The following PODXL2 variants were observed in gnomAD, a reference collection of about 807,000 sequenced individuals.
PODXL2 encodes the protein podocalyxin like 2, also known as podocalyxin-like protein 2.
In PODXL2, 17 loss-of-function variants were observed where a neutral mutation model predicts 53.4. The observed-to-expected ratio is 0.32, with a 90% CI of 0.22 to 0.48. PODXL2 has a LOEUF of 0.48. Ranked by LOEUF, PODXL2 falls within the 20% of genes least tolerant of loss-of-function variation. The pLI, the probability that PODXL2 is intolerant of heterozygous loss-of-function variation, is 0.99. For missense variants in PODXL2, 673 were observed against 760.0 expected (o/e 0.89, Z 1.35); for synonymous variants, 311 against 306.7 (o/e 1.01, Z -0.15).
At chr3:127,637,359 T>C (rs1005306164) in intron 1 of PODXL2, among the ~76,000 whole-genome samples, 5 of 152,210 alleles carry the variant, frequency 3.3e-5, no homozygotes, top group African/African-American at 9.6e-5. Flanking sequence ...GAAGATACCA[T>C]GGTCTCTTTT....
chr3:127,664,284 A>G (rs1342214063), intron 4 of PODXL2, among the ~76,000 whole-genome samples: 2 of 152,076 alleles, frequency 1.3e-5, no homozygotes, highest in African/African-American at 2.4e-5. Flanking sequence ...TTCACTCAGC[A>G]TAATGTCCTC....
intron 1 of PODXL2, among the ~76,000 whole-genome samples, chr3:127,630,173 A>G (rs950395349): frequency 2.6e-5 from 4 of 152,102 alleles, no homozygotes; most frequent in Admixed American, 6.5e-5. Context: ...GGCGGCCACT[A>G]TGGAAATGGC....
chr3:127,639,257 G>C lies in PODXL2; in HGVS notation c.83G>C (p.Gly28Ala). 6.2e-7 allele frequency: 1 copy of C among 1,606,058 alleles called. No individual in the cohort carries two copies. Among genetic ancestry groups the C allele is most frequent in the Non-Finnish European group, 8.5e-7 (1 of 1,177,368 alleles). Residue 28 changes from glycine (G) to alanine (A), a missense_variant, in exon 2 of 8, where the codon GGT (glycine) becomes GCT (alanine). Around this residue, in one of 3 missense-constraint regions of PODXL2, gnomAD observed 588 missense variants for 668.3 expected, o/e 0.88. Coordinates refer to ENST00000342480, the MANE Select transcript of PODXL2 (RefSeq NM_015720.4). Reference protein sequence around the residue: ...LLLLVGGAFLGACVAGSDEPG... With the variant: ...LLLLVGGAFLAACVAGSDEPG... ...TATGTCTGCACAGGAGCGTTCCTGGGTGCCTGTGTGGCTGGGTCTGATGAG... is the reference window on the plus strand; with the variant it reads ...TATGTCTGCACAGGAGCGTTCCTGGCTGCCTGTGTGGCTGGGTCTGATGAG...
At chr3:127,640,868 C>T (rs779273707) in intron 2 of PODXL2, among the ~76,000 whole-genome samples, 12 of 151,984 alleles carry the variant, frequency 7.9e-5, no homozygotes, top group East Asian at 1.9e-4. Context: ...AGTATATTTC[C>T]GCATTGTTAA....
intron 2 of PODXL2, among the ~76,000 whole-genome samples, chr3:127,645,019 T>C (rs1035105677): frequency 3.9e-5 from 6 of 152,238 alleles, no homozygotes; most frequent in Non-Finnish European, 8.8e-5. Flanking sequence ...TTGCCCATCT[T>C]CTTCTCAAAC....
intron 4 of PODXL2, among the ~76,000 whole-genome samples, chr3:127,667,421 C>T (rs2074800065): frequency 6.6e-6 from 1 of 152,238 alleles, no homozygotes; most frequent in Non-Finnish European, 1.5e-5. Context: ...AGAGGGGTAT[C>T]TGCAGCAGGC....
In PODXL2 at chr3:127,629,399, G is replaced by A; in HGVS notation, c.70+110G>A. 1.2e-6 allele frequency: 1 copy of A among 850,554 alleles called. No homozygotes were observed. The highest frequency in any genetic ancestry group is 1.4e-6 in the Non-Finnish European group (1 of 706,642). The allele number at this position is 850,554 out of a possible 1,614,324, so 52.7% of individuals were successfully genotyped here. A position where few individuals can be genotyped will look rare whatever the true frequency, so the allele number is the denominator to read the frequency against. On this transcript the variant is annotated intron_variant, in intron 1 of 7. Coordinates refer to ENST00000342480, the MANE Select transcript of PODXL2 (RefSeq NM_015720.4). The surrounding 1 kb of genome is among the most constrained non-coding windows in gnomAD (Gnocchi z 6.4). ...GGGCCAGAGTGCGGCGCCGCCGGGA[G>A]CGCGCGTGTCCCGGCCGGGCCGCGG...
At position 127,629,392 on chromosome 3, in the gene PODXL2, G is replaced by T. The variant is rs1320749499; in HGVS notation, c.70+103G>T. 2 of 895,790 alleles carry T rather than the reference G, an allele frequency of 2.2e-6. No individual in the cohort carries two copies. Among genetic ancestry groups the T allele is most frequent in the South Asian group, 9.7e-5 (2 of 20,596 alleles). The allele number at this position is 895,790 out of a possible 1,614,324, so 55.5% of individuals were successfully genotyped here. ...AACAAAGGGGCCAGAGTGCGGCGCCGCCGGGAGCGCGCGTGTCCCGGCCGG... is the reference window on the plus strand; with the variant it reads ...AACAAAGGGGCCAGAGTGCGGCGCCTCCGGGAGCGCGCGTGTCCCGGCCGG... On this transcript the variant is annotated intron_variant, in intron 1 of 7. Coordinates refer to ENST00000342480, the MANE Select transcript of PODXL2 (RefSeq NM_015720.4). The surrounding 1 kb of genome is among the most constrained non-coding windows in gnomAD (Gnocchi z 6.4).
At chr3:127,671,313 G>T in intron 6 of PODXL2, 121 bp from the exon 7 acceptor site, 2 of 855,132 alleles carry the variant, frequency 2.3e-6, no homozygotes, top group Admixed American at 2.5e-5. Context: ...TTCAGGAGCC[G>T]GGAGTGCCAG....
At chr3:127,651,385 T>G (rs1483380804) in intron 2 of PODXL2, among the ~76,000 whole-genome samples, 3 of 152,232 alleles carry the variant, frequency 2.0e-5, no homozygotes, top group Non-Finnish European at 2.9e-5. Context: ...AAGCTAGGTT[T>G]AGGGGCAACT....
chr3:127,635,443 G>A (rs1441562165), intron 1 of PODXL2, among the ~76,000 whole-genome samples: 2 of 152,226 alleles, frequency 1.3e-5, no homozygotes, highest in Admixed American at 1.3e-4. Context: ...CTTTTTGGTT[G>A]AAGAATGAAT....
intron 2 of PODXL2, among the ~76,000 whole-genome samples, chr3:127,643,119 A>G (rs2074631209): frequency 6.6e-6 from 1 of 152,222 alleles, no homozygotes; most frequent in Admixed American, 6.5e-5. Flanking sequence ...TTCCTCTGAC[A>G]TACGTAGAAA....
intron 2 of PODXL2, among the ~76,000 whole-genome samples, chr3:127,651,373 A>G (rs570548340): frequency 6.6e-6 from 1 of 152,332 alleles, no homozygotes; most frequent in East Asian, 1.9e-4. Context: ...CCCCAGGAAA[A>G]GAAGCTAGGT....
chr3:127,638,424 A>G (rs563112394), intron 1 of PODXL2, among the ~76,000 whole-genome samples: 3 of 152,346 alleles, frequency 2.0e-5, no homozygotes, highest in Admixed American at 6.5e-5. Flanking sequence ...TTAAAAGACT[A>G]CGTTCAGAGG....
chr3:127,670,716 T>G (rs929143702), intron 6 of PODXL2, among the ~76,000 whole-genome samples: 1 of 152,142 alleles, frequency 6.6e-6, no homozygotes, highest in African/African-American at 2.4e-5. Flanking sequence ...ATCCCTCACC[T>G]GAGGAGCCCC....
chr3:127,640,371 A>T (rs972832946), intron 2 of PODXL2, among the ~76,000 whole-genome samples: 3 of 152,204 alleles, frequency 2.0e-5, no homozygotes, highest in African/African-American at 4.8e-5. Flanking sequence ...ACACATGAAC[A>T]TTGTAGAAAA....
At chr3:127,670,969 G>A (rs1371797302) in intron 6 of PODXL2, among the ~76,000 whole-genome samples, 2 of 152,168 alleles carry the variant, frequency 1.3e-5, no homozygotes, top group South Asian at 2.1e-4. Context: ...TCCCTGCACC[G>A]GCCCTGGCAT....
At position 127,661,056 on chromosome 3, in the gene PODXL2, T is replaced by G. The variant is rs763760033; in HGVS notation, c.1028T>G (p.Leu343Arg). The G allele has an allele frequency of 6.2e-6, 10 of 1,614,122 alleles. No homozygotes were observed. Among genetic ancestry groups the G allele is most frequent in the Non-Finnish European group, 8.5e-6 (10 of 1,180,030 alleles). Residue 343 changes from leucine (L) to arginine (R), a missense_variant, in exon 3 of 8, where the codon CTG becomes CGG. Physicochemically the swap from Leu to Arg is moderately radical, Grantham distance 102. Around this residue, in one of 3 missense-constraint regions of PODXL2, gnomAD observed 588 missense variants for 668.3 expected, o/e 0.88. Coordinates refer to ENST00000342480, the MANE Select transcript of PODXL2 (RefSeq NM_015720.4). The stretch of plus-strand genomic sequence containing the variant: ...CCACTGGCCCCTGGAGACATGGAAC[T>G]GACACCTTCCTCTGCTACCTTGGGA... ...SSPLAPGDME[L>R]TPSSATLGQE...
chr3:127,662,327 G>A lies in PODXL2; in HGVS notation c.1206+16G>A, dbSNP rs201791718. The A allele has an allele frequency of 6.2e-6, 10 of 1,607,860 alleles. No individual in the cohort carries two copies. The highest frequency in any genetic ancestry group is 8.5e-6 in the Non-Finnish European group (10 of 1,175,742). On this transcript the variant is annotated intron_variant, in intron 4 of 7. Coordinates refer to ENST00000342480, the MANE Select transcript of PODXL2 (RefSeq NM_015720.4). ...CATAGACTGTGTGAGTGCCCAGCCA[G>A]GCTCCGAACCGCAGGGAAAGGCTGC...
Sources: allele counts gnomAD v4.1 joint callset (sites outside exome capture counted in the v4.1 genomes callset), GRCh38; gene constraint gnomAD v4.1.1; regional missense constraint gnomAD v4.1.1; non-coding constraint Gnocchi (gnomAD v3.1); transcripts MANE v1.5; gene names NCBI Gene and HGNC (gene_info 2026-07-23, HGNC 2026-07-21).